The following RNF212 variants were observed in gnomAD, a reference collection of about 807,000 sequenced individuals.
The protein encoded by RNF212 is probable E3 SUMO-protein ligase RNF212.
RNF212 carries 33 observed loss-of-function variants against 34.7 expected under a neutral mutation model. That is an observed-to-expected ratio of 0.95 (90% CI 0.72 to 1.27). The LOEUF is 1.27. RNF212 is among the 50% of genes most tolerant of loss of function. RNF212 has a pLI of 0.00. For missense variants in RNF212, 377 were observed against 362.2 expected, an observed-to-expected ratio of 1.04 and a Z score of -0.33; for synonymous variants, 140 against 136.1, an observed-to-expected ratio of 1.03 and a Z score of -0.20.
chr4:1,062,280 C>T (rs1717799128), intron 3 of RNF212, among the ~76,000 whole-genome samples: 3 of 152,170 alleles, frequency 2.0e-5, no homozygotes. Flanking sequence ...AAAGATCATA[C>T]ACCACGACCA....
At chr4:1,105,009 G>A (rs13119696) in intron 2 of RNF212, among the ~76,000 whole-genome samples, 1 of 151,974 alleles carries the variant, frequency 6.6e-6, no homozygotes, top group Non-Finnish European at 1.5e-5. Flanking sequence ...CTTGTCTGCT[G>A]TCTCCAGGCC....
chr4:1,112,416 A>G (rs1341701525), intron 1 of RNF212, among the ~76,000 whole-genome samples: 3 of 151,544 alleles, frequency 2.0e-5, no homozygotes, highest in South Asian at 4.2e-4. Context: ...TTCACGGGGA[A>G]GTTCGCTTGG....
intron 4 of RNF212, among the ~76,000 whole-genome samples, chr4:1,087,567 G>A (rs1409045029): frequency 2.0e-5 from 3 of 149,914 alleles, no homozygotes; most frequent in Admixed American, 2.0e-4. Context: ...GACAGGGTGG[G>A]TGTGACAGGA....
In RNF212 at chr4:1,073,149, A is replaced by T; in HGVS notation, c.619T>A (p.Leu207Met). Residue 207 changes from leucine to methionine, a missense_variant, in exon 10 of 10, where the codon TTG becomes ATG. Leu to Met is a conservative substitution (Grantham distance 15). Coordinates refer to ENST00000433731, the MANE Select transcript of RNF212 (RefSeq NM_001131034.4). ...TCTCCGGGCACAGGGGGCTTAGACAAGGTCAACCATGGGATGAAACAGAAA... is the reference window on the plus strand; with the variant it reads ...TCTCCGGGCACAGGGGGCTTAGACATGGTCAACCATGGGATGAAACAGAAA... ...ASFCFIPWLT[L>M]SKPPVPGECV... 1 of 1,614,202 alleles carries T rather than the reference A, an allele frequency of 6.2e-7. No homozygotes were observed. Among genetic ancestry groups the T allele is most frequent in the Non-Finnish European group, 8.5e-7 (1 of 1,180,032 alleles).
rs1392871525 is a variant in RNF212, at chr4:1,072,237, A to T, written c.*637T>A. On this transcript the variant is annotated 3_prime_UTR_variant, in exon 10 of 10. Transcript: ENST00000433731. ...ACCGTAAAAAGATCAGTGGCTGTCAAGGGTTGGTGGGAGGTGGGGGAAGGA... is the reference window on the plus strand; with the variant it reads ...ACCGTAAAAAGATCAGTGGCTGTCATGGGTTGGTGGGAGGTGGGGGAAGGA... 6.6e-6 allele frequency: 1 copy of T among 151,622 alleles called. No homozygotes were observed. Among genetic ancestry groups the T allele is most frequent in the Non-Finnish European group, 1.5e-5 (1 of 68,080 alleles). 9.4% of individuals were successfully genotyped at this position (151,622 alleles called of 1,614,324 possible).
chr4:1,066,462 G>A (rs1266042119), intron 3 of RNF212, among the ~76,000 whole-genome samples: 5 of 151,822 alleles, frequency 3.3e-5, no homozygotes, highest in African/African-American at 9.7e-5. Flanking sequence ...CTGAGCAGCC[G>A]GGACTACAGG....
chr4:1,058,585 G>A (rs867496669), intron 3 of RNF212, among the ~76,000 whole-genome samples: 4 of 152,304 alleles, frequency 2.6e-5, no homozygotes, highest in South Asian at 2.1e-4. Flanking sequence ...GTGCCAACAC[G>A]ACACTCTGAG....
At chr4:1,101,557 A>G (rs1023353828) in intron 2 of RNF212, 17 of 154,216 alleles carry the variant, frequency 1.1e-4, no homozygotes, top group African/African-American at 4.1e-4. Context: ...TCTACTGGGG[A>G]AGAAAAAAGC....
intron 3 of RNF212, chr4:1,093,231 T>C (rs1048337580): frequency 5.1e-6 from 2 of 392,436 alleles, no homozygotes; most frequent in African/African-American, 4.3e-5. Flanking sequence ...CTCTTAAAAG[T>C]TACTGAGGGC....
intron 2 of RNF212, among the ~76,000 whole-genome samples, chr4:1,097,158 C>T (rs924436404): frequency 2.0e-5 from 3 of 152,178 alleles, no homozygotes; most frequent in African/African-American, 7.2e-5. Context: ...AGGCCTCCAG[C>T]CCAGCCTCCT....
intron 2 of RNF212, among the ~76,000 whole-genome samples, chr4:1,098,609 T>C (rs1263189078): frequency 3.3e-5 from 5 of 152,144 alleles, no homozygotes; most frequent in African/African-American, 1.2e-4. Context: ...ACAAGCAGTA[T>C]GTCCAACACC....
downstream of RNF212, among the ~76,000 whole-genome samples, chr4:1,070,958 T>C (rs978131175): frequency 1.3e-5 from 2 of 151,802 alleles, no homozygotes; most frequent in African/African-American, 4.8e-5. Flanking sequence ...AAAAAACTAA[T>C]TTGTTTTTTT....
At chr4:1,100,879 C>T (rs1723868318) in intron 2 of RNF212, 2 of 160,950 alleles carry the variant, frequency 1.2e-5, no homozygotes, top group Non-Finnish European at 1.4e-5. Flanking sequence ...AGGGCAGACG[C>T]TCTCATGTCA....
downstream of RNF212, among the ~76,000 whole-genome samples, chr4:1,066,539 C>A (rs948399322): frequency 6.6e-6 from 1 of 152,166 alleles, no homozygotes; most frequent in African/African-American, 2.4e-5. Context: ...CCATGTTGCC[C>A]AGGCTGGTCT....
At chr4:1,084,228 G>C (rs1720818115) in intron 5 of RNF212, among the ~76,000 whole-genome samples, 1 of 152,180 alleles carries the variant, frequency 6.6e-6, no homozygotes. Context: ...TGGGATTACA[G>C]GCGTGAGCCA....
chr4:1,094,146 T>A (rs1360259763), intron 3 of RNF212: 3 of 1,181,550 alleles, frequency 2.5e-6, no homozygotes, highest in Non-Finnish European at 3.4e-6. Flanking sequence ...ATCCTCAGTC[T>A]CCTGCCTCAG....
intron 2 of RNF212, among the ~76,000 whole-genome samples, chr4:1,102,643 G>C (rs1724178830): frequency 6.6e-6 from 1 of 151,802 alleles, no homozygotes. Context: ...ACGAGGTCAG[G>C]AGATCGAGAC....
chr4:1,089,124 G>C (rs1721791344), intron 4 of RNF212, among the ~76,000 whole-genome samples: 1 of 152,212 alleles, frequency 6.6e-6, no homozygotes, highest in Admixed American at 6.5e-5. Flanking sequence ...CCCATCAACA[G>C]CTTGCACTGT....
rs1560132944 is a variant in RNF212, at chr4:1,090,744, C to A, written c.303+38G>T. The A allele has an allele frequency of 3.3e-6, 4 of 1,194,268 alleles. No homozygotes were observed. The South Asian group carries it at 4.9e-5, about 15-fold the overall frequency. 74.0% of individuals were successfully genotyped at this position (1,194,268 alleles called of 1,614,324 possible). ...AAGTCTGACATTTAAATCTAAAGGT[C>A]AAAAAAATTCAAGTGGCAATGAATC... On this transcript the variant is annotated intron_variant, in intron 4 of 9. Transcript: ENST00000433731.
Sources: gnomAD v4.1 joint callset for allele counts (sites outside exome capture counted in the v4.1 genomes callset) on GRCh38, gnomAD v4.1.1 for gene constraint, MANE v1.5 for transcripts, NCBI Gene and HGNC (gene_info 2026-07-23, HGNC 2026-07-21) for gene names.